UBR1: variants seen among roughly 807,000 people sequenced by gnomAD.
The protein encoded by UBR1 is ubiquitin protein ligase E3 component n-recognin 1, also known as E3 ubiquitin-protein ligase UBR1.
In UBR1, 102 loss-of-function variants were observed where a neutral mutation model predicts 242.1. The ratio of observed to expected loss-of-function variants is 0.42; its 90% confidence interval spans 0.36 to 0.50. The LOEUF (loss-of-function observed/expected upper bound fraction) is 0.50. UBR1 is among the 20% of genes least tolerant of loss of function. The probability of loss-of-function intolerance (pLI) is 0.01; values close to 1 mark genes in which losing one functional copy is unlikely to be tolerated. For missense variants in UBR1, 1,772 were observed against 2,101.8 expected (o/e 0.84, Z 3.07); for synonymous variants, 675 against 684.8 (o/e 0.99, Z 0.22).
chr15:43,030,233 T>C (rs2033236840), intron 20 of UBR1, among the ~76,000 whole-genome samples, 165 bp from the exon 21 acceptor site: 1 of 152,234 alleles, frequency 6.6e-6, no homozygotes, highest in Admixed American at 6.5e-5. Flanking sequence ...AGAATCTATG[T>C]TGAAAGACAG....
At chr15:43,037,973 C>T (rs991683885) in intron 16 of UBR1, 90 bp from the exon 17 acceptor site, 18 of 1,343,346 alleles carry the variant, frequency 1.3e-5, no homozygotes, top group Admixed American at 7.8e-5. Flanking sequence ...AGTTTTCTCA[C>T]GTGAAAAATG....
intron 12 of UBR1, among the ~76,000 whole-genome samples, chr15:43,054,069 G>A (rs1468303163): frequency 6.6e-6 from 1 of 152,168 alleles, no homozygotes; most frequent in Non-Finnish European, 1.5e-5. Flanking sequence ...AATGTTAACA[G>A]CCAGCCGCAG....
In UBR1 at chr15:42,944,960, G is replaced by T; in HGVS notation, c.*369C>A. 3.7e-6 allele frequency: 1 copy of T among 267,860 alleles called. No individual in the cohort carries two copies. Among genetic ancestry groups the T allele is most frequent in the Non-Finnish European group, 7.3e-6 (1 of 137,178 alleles). 16.6% of individuals were successfully genotyped at this position (267,860 alleles called of 1,614,324 possible). A position where few individuals can be genotyped will look rare whatever the true frequency, so the allele number is the denominator to read the frequency against. ...ATCCAATGTCAGTTGAACTAAACTTGGGGGGAAAACACCAAATACAAAATT... is the reference window on the plus strand; with the variant it reads ...ATCCAATGTCAGTTGAACTAAACTTTGGGGGAAAACACCAAATACAAAATT... On this transcript the variant is annotated 3_prime_UTR_variant, in exon 47 of 47. Transcript: ENST00000290650.
intron 30 of UBR1, among the ~76,000 whole-genome samples, chr15:43,004,720 G>A (rs1043382753): frequency 2.0e-5 from 3 of 152,032 alleles, no homozygotes; most frequent in African/African-American, 7.2e-5. Context: ...GCGTGATCTC[G>A]GCTCGCTACA....
chr15:42,974,402 GCT>G (rs1355367181), intron 39 of UBR1, among the ~76,000 whole-genome samples: 1 of 152,040 alleles, frequency 6.6e-6, no homozygotes, highest in Non-Finnish European at 1.5e-5. Context: ...CTATATCTGG[GCT>G]CTCTTTCATA....
At chr15:43,059,010 G>T in intron 9 of UBR1, 75 bp downstream of exon 9, 1 of 1,133,824 alleles carries the variant, frequency 8.8e-7, no homozygotes, top group Non-Finnish European at 1.3e-6. Flanking sequence ...ATAAACAAAA[G>T]ATATTACAGC....
chr15:42,944,435 G>C lies in UBR1; in HGVS notation c.*894C>G, dbSNP rs755546391. The C allele has an allele frequency of 2.6e-5, 4 of 152,290 alleles. No homozygotes were observed. The highest frequency in any genetic ancestry group is 1.3e-4 in the Admixed American group (2 of 15,274). The allele number at this position is 152,290 out of a possible 1,614,324, so 9.4% of individuals were successfully genotyped here. On this transcript the variant is annotated 3_prime_UTR_variant, in exon 47 of 47. Coordinates refer to ENST00000290650, the MANE Select transcript of UBR1 (RefSeq NM_174916.3). ...AAGACTGCGGAATTGGTTTAAATCT[G>C]ATTGTTCTAATTTACAGTTGTCATG...
At chr15:43,019,684 G>A (rs2033078790) in intron 27 of UBR1, among the ~76,000 whole-genome samples, 1 of 150,162 alleles carries the variant, frequency 6.7e-6, no homozygotes. Context: ...CAGAGTTCAG[G>A]CGATTCTCCT....
intron 26 of UBR1, among the ~76,000 whole-genome samples, chr15:43,022,195 G>A (rs2033119274): frequency 6.6e-6 from 1 of 151,820 alleles, no homozygotes; most frequent in Non-Finnish European, 1.5e-5. Flanking sequence ...CCTGGAATGT[G>A]CTTTGAAAAA....
chr15:43,051,996 T>A (rs1455299803), intron 12 of UBR1, among the ~76,000 whole-genome samples: 2 of 152,168 alleles, frequency 1.3e-5, no homozygotes, highest in Non-Finnish European at 2.9e-5. Context: ...ATTTCCACAA[T>A]AAATTAGCAA....
chr15:43,074,655 C>A (rs977484839), intron 4 of UBR1, among the ~76,000 whole-genome samples: 6 of 152,108 alleles, frequency 3.9e-5, no homozygotes, highest in African/African-American at 1.4e-4. Context: ...GTCTCAAACT[C>A]CTGACCTCAG....
At chr15:43,004,530 C>T (rs530024480) in intron 30 of UBR1, among the ~76,000 whole-genome samples, 21 of 152,350 alleles carry the variant, frequency 1.4e-4, no homozygotes, top group Non-Finnish European at 2.1e-4. Flanking sequence ...AGGCACACGC[C>T]GCCACGCCTG....
chr15:43,077,219 G>C (rs971844844), intron 3 of UBR1, among the ~76,000 whole-genome samples: 2 of 152,058 alleles, frequency 1.3e-5, no homozygotes, highest in African/African-American at 4.8e-5. Flanking sequence ...GGGCGGGAAG[G>C]GTGGGGAGGA....
At chr15:43,006,115 AAAAAG>A (rs1329760105) in intron 30 of UBR1, among the ~76,000 whole-genome samples, 32 of 151,474 alleles carry the variant, frequency 2.1e-4, no homozygotes, top group African/African-American at 6.1e-4. Context: ...AGAAAAAAAA[AAAAAG>A]AAAAGAAAAG....
At chr15:43,064,753 T>A (rs2033732305) in intron 6 of UBR1, among the ~76,000 whole-genome samples, 1 of 151,970 alleles carries the variant, frequency 6.6e-6, no homozygotes, top group Admixed American at 6.6e-5. Flanking sequence ...ATTTTGTATT[T>A]TTAGTAGAGA....
chr15:43,004,330 T>C (rs769310435), intron 30 of UBR1, among the ~76,000 whole-genome samples: 3 of 152,076 alleles, frequency 2.0e-5, no homozygotes, highest in African/African-American at 7.2e-5. Context: ...AGATTGGATC[T>C]CCCTCTTCCT....
chr15:43,047,328 CCT>C (rs1266127491), intron 13 of UBR1, 39 bp from the exon 14 acceptor site: 25 of 1,613,804 alleles, frequency 1.5e-5, no homozygotes, highest in Non-Finnish European at 2.1e-5. Flanking sequence ...CTATCTGAGC[CCT>C]CTCTCTTTGC....
chr15:43,096,094 G>A (rs934875729), intron 1 of UBR1, among the ~76,000 whole-genome samples: 1 of 152,078 alleles, frequency 6.6e-6, no homozygotes, highest in African/African-American at 2.4e-5. Flanking sequence ...TTGCTGATAG[G>A]GGGATCTTCC....
At chr15:42,980,687 C>CA (rs1324849291) in intron 37 of UBR1, among the ~76,000 whole-genome samples, 1 of 152,146 alleles carries the variant, frequency 6.6e-6, no homozygotes, top group Non-Finnish European at 1.5e-5. Context: ...TGGCTTACTG[C>CA]AGCCACGACC....
Sources: gnomAD v4.1 joint callset for allele counts (sites outside exome capture counted in the v4.1 genomes callset) on GRCh38, gnomAD v4.1.1 for gene constraint, MANE v1.5 for transcripts, NCBI Gene and HGNC (gene_info 2026-07-23, HGNC 2026-07-21) for gene names.